The following ALK variants were observed in gnomAD, a reference collection of about 807,000 sequenced individuals.
The protein encoded by ALK is ALK receptor tyrosine kinase, also known as ALK tyrosine kinase receptor.
A neutral mutation model predicts 163.1 loss-of-function variants in ALK; 74 were observed. The observed-to-expected ratio is 0.45, with a 90% CI of 0.38 to 0.55. ALK has a LOEUF of 0.55. Among genes scored for constraint, ALK ranks in the 20% least tolerant of loss-of-function variants. The pLI is 0.00. For missense variants in ALK, 2,063 were observed against 2,105.3 expected, an observed-to-expected ratio of 0.98 and a Z score of 0.39; for synonymous variants, 960 against 843.2, an observed-to-expected ratio of 1.14 and a Z score of -2.40.
chr2:29,289,945 C>T (rs1665975277), intron 9 of ALK, among the ~76,000 whole-genome samples: 1 of 152,190 alleles, frequency 6.6e-6, no homozygotes, highest in Non-Finnish European at 1.5e-5. Flanking sequence ...TTCTGTGATG[C>T]CGTGGTCTTG....
intron 1 of ALK, among the ~76,000 whole-genome samples, chr2:29,752,859 C>T (rs1680412214): frequency 6.6e-6 from 1 of 152,152 alleles, no homozygotes; most frequent in Admixed American, 6.5e-5. Context: ...AAAGGACTCA[C>T]CCAAGACTGA....
chr2:29,534,526 C>T (rs978598051), intron 3 of ALK, among the ~76,000 whole-genome samples: 3 of 152,136 alleles, frequency 2.0e-5, no homozygotes, highest in African/African-American at 7.2e-5. Flanking sequence ...CATAAGGGAG[C>T]AGCAGCAACT....
chr2:29,913,343 T>A (rs577842972), intron 1 of ALK, among the ~76,000 whole-genome samples: 1 of 152,282 alleles, frequency 6.6e-6, no homozygotes, highest in South Asian at 2.1e-4. Flanking sequence ...AAAATACAAT[T>A]AATCAAAAAG....
Position 29,227,728 on chromosome 2 carries a change from C to T in ALK, c.2816-56G>A, listed in dbSNP as rs553500932. 35 of 1,331,668 alleles carry T rather than the reference C, an allele frequency of 2.6e-5. No individual in the cohort carries two copies. The East Asian group carries it at 7.1e-4, about 27-fold the overall frequency. 82.5% of individuals were successfully genotyped at this position (1,331,668 alleles called of 1,614,324 possible). The stretch of plus-strand genomic sequence containing the variant: ...TGGGGGGTGGGTGCCAAAATCTTAA[C>T]ACACACACACGTCAGTGGGGCATGC... On this transcript the variant is annotated intron_variant, in intron 16 of 28. Transcript: ENST00000389048. This position sits in a 1 kb window ranked among gnomAD's most constrained non-coding sequence, Gnocchi z 4.4.
chr2:29,478,621 C>T (rs188632492), intron 4 of ALK, among the ~76,000 whole-genome samples: 12 of 152,296 alleles, frequency 7.9e-5, no homozygotes, highest in South Asian at 4.2e-4. Flanking sequence ...ATAAGTCATA[C>T]GCATACGCAA....
intron 3 of ALK, among the ~76,000 whole-genome samples, chr2:29,663,453 C>G (rs1447613468): frequency 6.6e-6 from 1 of 152,156 alleles, no homozygotes; most frequent in Non-Finnish European, 1.5e-5. Flanking sequence ...TCCTCCTTCT[C>G]TCTCTCCCGG....
At chr2:29,313,777 T>C (rs1666754635) in intron 8 of ALK, among the ~76,000 whole-genome samples, 1 of 152,134 alleles carries the variant, frequency 6.6e-6, no homozygotes, top group Non-Finnish European at 1.5e-5. Context: ...CTCATCTTCT[T>C]TGGCTCCTGT....
chr2:29,730,771 G>A (rs1319753626), intron 1 of ALK, among the ~76,000 whole-genome samples: 1 of 152,166 alleles, frequency 6.6e-6, no homozygotes, highest in Non-Finnish European at 1.5e-5. Flanking sequence ...GCCACTCCTG[G>A]TCTGGCCTAG....
In ALK at chr2:29,690,595, C is replaced by G. The variant is rs73921158; in HGVS notation, c.952+4255G>C. Among the ~76,000 whole-genome samples, 672 of 152,330 alleles carry G rather than the reference C, an allele frequency of 4.4e-3. 4 individuals carry two copies. The highest frequency in any genetic ancestry group is 0.015 in the African/African-American group (611 of 41,576). ...GCCCCTGGCACTTCTTAAAAAGTCA[C>G]AGAATGCCTCCATCTGATGGTTCTT... On this transcript the variant is annotated intron_variant, in intron 3 of 28. Coordinates refer to ENST00000389048, the MANE Select transcript of ALK (RefSeq NM_004304.5).
rs150283375 is a variant in ALK at position 29,504,641 on chromosome 2, C to T, written c.1154+27274G>A. The stretch of plus-strand genomic sequence containing the variant: ...AAGAGGAGATGAGGAAGAATCGCAG[C>T]CTTGGGTAATGCTTGAACAAGGAGA... On this transcript the variant is annotated intron_variant, in intron 4 of 28. Coordinates refer to ENST00000389048, the MANE Select transcript of ALK (RefSeq NM_004304.5). 5.9e-5 allele frequency among the ~76,000 whole-genome samples: 9 copies of T among 152,030 alleles called. No homozygotes were observed. The East Asian group carries it at 1.7e-3, about 30-fold the overall frequency.
intron 2 of ALK, among the ~76,000 whole-genome samples, chr2:29,698,710 A>T (rs531215771): frequency 1.3e-5 from 2 of 152,298 alleles, no homozygotes; most frequent in East Asian, 3.9e-4. Flanking sequence ...TAAGTGTGAT[A>T]ATTGGCTGTG....
intron 3 of ALK, among the ~76,000 whole-genome samples, chr2:29,540,838 C>G (rs1321455624): frequency 6.6e-6 from 1 of 152,036 alleles, no homozygotes; most frequent in Admixed American, 6.6e-5. Context: ...ACTTAAATAA[C>G]CTTCAAGAAA....
chr2:29,819,401 G>C (rs986452153), intron 1 of ALK, among the ~76,000 whole-genome samples: 5 of 152,214 alleles, frequency 3.3e-5, no homozygotes, highest in Non-Finnish European at 7.3e-5. Flanking sequence ...TGTAGGATGA[G>C]TTATAGCACT....
At chr2:29,665,003 CT>C (rs35885544) in intron 3 of ALK, among the ~76,000 whole-genome samples, 15,988 of 133,442 alleles carry the variant, frequency 0.12, 1,639 homozygotes, top group African/African-American at 0.33. Context: ...TTCTTTTTTT[CT>C]TTTTTTTTTT....
At chr2:29,825,990 T>C (rs1331388817) in intron 1 of ALK, among the ~76,000 whole-genome samples, 3 of 152,180 alleles carry the variant, frequency 2.0e-5, no homozygotes, top group Non-Finnish European at 2.9e-5. Flanking sequence ...TGGTAACCCA[T>C]GACATGGTCT....
intron 8 of ALK, among the ~76,000 whole-genome samples, chr2:29,303,063 T>C (rs1666414212): frequency 6.6e-6 from 1 of 152,250 alleles, no homozygotes; most frequent in South Asian, 2.1e-4. Context: ...AAAGAAACTA[T>C]AAACAGAGTT....
intron 1 of ALK, among the ~76,000 whole-genome samples, chr2:29,849,226 T>C (rs59643818): frequency 0.33 from 50,610 of 152,168 alleles, 8,703 homozygotes; most frequent in East Asian, 0.54. Context: ...CTGTCCCTTC[T>C]GTTTAGCTAT....
intron 1 of ALK, among the ~76,000 whole-genome samples, chr2:29,759,111 G>C (rs115141758): frequency 0.023 from 3,571 of 152,176 alleles, 60 homozygotes; most frequent in Middle Eastern, 0.061. Flanking sequence ...CTCCCTGCTT[G>C]TCAGTCTCTC....
chr2:29,919,391 A>G (rs1336875054), intron 1 of ALK, among the ~76,000 whole-genome samples: 1 of 151,422 alleles, frequency 6.6e-6, no homozygotes, highest in East Asian at 1.9e-4. Context: ...AACAACATGT[A>G]AGAGAAAGGA....
Sources: allele counts gnomAD v4.1 joint callset (sites outside exome capture counted in the v4.1 genomes callset), GRCh38; gene constraint gnomAD v4.1.1; non-coding constraint Gnocchi (gnomAD v3.1); transcripts MANE v1.5; gene names NCBI Gene and HGNC (gene_info 2026-07-23, HGNC 2026-07-21).